CCR6: variants seen among roughly 807,000 people sequenced by gnomAD.
CCR6 encodes the protein C-C chemokine receptor type 6.
Under a neutral mutation model 3.0 loss-of-function variants are expected in CCR6, and 2 were observed. That is an observed-to-expected ratio of 0.66 (90% CI 0.27 to 2.07). The LOEUF is 2.07. Ranked by LOEUF, CCR6 falls within the 30% of genes most tolerant of loss-of-function variation. The pLI is 0.14. For synonymous variants in CCR6, 193 were observed against 184.3 expected (o/e 1.05, Z -0.38); for missense variants, 322 against 462.8 (o/e 0.70, Z 2.79).
At chr6:167,113,337 A>G (rs1781442846) in intron 1 of CCR6, among the ~76,000 whole-genome samples, 1 of 152,164 alleles carries the variant, frequency 6.6e-6, no homozygotes, top group Non-Finnish European at 1.5e-5. Context: ...GAAGCAGCAC[A>G]TTCAGTGGGA....
At chr6:167,114,834 G>T (rs1032966089) in intron 1 of CCR6, 1 of 152,252 alleles carries the variant, frequency 6.6e-6, no homozygotes, top group African/African-American at 2.4e-5. Flanking sequence ...TCTGCATCCA[G>T]TGAGGACCTG....
intron 1 of CCR6, among the ~76,000 whole-genome samples, chr6:167,124,634 A>C (rs1357570717): frequency 6.6e-6 from 1 of 152,198 alleles, no homozygotes; most frequent in African/African-American, 2.4e-5. Context: ...CAGTAATGGG[A>C]GTCTCACCAG....
intron 1 of CCR6, among the ~76,000 whole-genome samples, chr6:167,132,657 C>T (rs1472843840): frequency 6.6e-6 from 1 of 152,196 alleles, no homozygotes; most frequent in East Asian, 1.9e-4. Flanking sequence ...TCTCCTGCCT[C>T]AGCCCCCCAA....
At chr6:167,112,422 C>G (rs73023509) in intron 1 of CCR6, among the ~76,000 whole-genome samples, 2 of 152,108 alleles carry the variant, frequency 1.3e-5, no homozygotes, top group South Asian at 4.1e-4. Flanking sequence ...ATCTGCAAGT[C>G]GCTTTTGACT....
At chr6:167,128,328 T>C (rs1386853961) in intron 1 of CCR6, among the ~76,000 whole-genome samples, 1 of 152,276 alleles carries the variant, frequency 6.6e-6, no homozygotes, top group Non-Finnish European at 1.5e-5. Flanking sequence ...CGACAAGTGC[T>C]GTCCCCTGTG....
At chr6:167,118,259 C>T (rs1050634374), upstream of CCR6, among the ~76,000 whole-genome samples, 8 of 152,210 alleles carry the variant, frequency 5.3e-5, no homozygotes, top group African/African-American at 1.7e-4. Context: ...GAGGCATGAA[C>T]TTTGTCTTCG....
In CCR6 at chr6:167,136,934, C is replaced by A; in HGVS notation, c.704C>A (p.Thr235Lys). Residue 235 changes from threonine to lysine, a missense_variant, in exon 3 of 3, where the codon ACG (threonine) becomes AAG (lysine). By Grantham distance (78) the Thr-to-Lys change is moderately conservative. Transcript: ENST00000341935. The surrounding 1 kb of genome is among the most constrained non-coding windows in gnomAD (Gnocchi z 4.6). ...TTGATGTTCATGATATTTTGTTACACGTTCATTGTCAAAACCTTGGTGCAA... is the reference window on the plus strand; with the variant it reads ...TTGATGTTCATGATATTTTGTTACAAGTTCATTGTCAAAACCTTGGTGCAA... ...IPLMFMIFCY[T>K]FIVKTLVQAQ... is the part of the protein sequence containing the mutation. 1 of 1,614,164 alleles carries A rather than the reference C, an allele frequency of 6.2e-7. No individual in the cohort carries two copies. Among genetic ancestry groups the A allele is most frequent in the African/African-American group, 1.3e-5 (1 of 75,032 alleles).
intron 1 of CCR6, chr6:167,117,179 T>A (rs1249486488): frequency 6.6e-6 from 1 of 152,092 alleles, no homozygotes; most frequent in Non-Finnish European, 1.5e-5. Flanking sequence ...CACCTCAGCC[T>A]CTTTATCCCT....
rs150590472 is a variant in CCR6, at chr6:167,129,811, A to G, written c.-97-6227A>G. On this transcript the variant is annotated intron_variant, in intron 1 of 2. Transcript: ENST00000341935. ...GGTACCCCGGGTCCTGTGAGAGGCT[A>G]ACATTCAGGTGGGGGGTGACAATGA... 1.5e-3 allele frequency among the ~76,000 whole-genome samples: 229 copies of G among 151,778 alleles called. 6 individuals are homozygous for G. The highest frequency in any genetic ancestry group is 5.2e-3 in the African/African-American group (214 of 41,056).
chr6:167,127,956 G>T (rs972607150), intron 1 of CCR6, among the ~76,000 whole-genome samples: 1 of 152,264 alleles, frequency 6.6e-6, no homozygotes, highest in Non-Finnish European at 1.5e-5. Context: ...CACGTTGGCT[G>T]TCAGCAGAGG....
At chr6:167,133,462 A>C (rs1781800017) in intron 1 of CCR6, among the ~76,000 whole-genome samples, 1 of 152,134 alleles carries the variant, frequency 6.6e-6, no homozygotes, top group South Asian at 2.1e-4. Flanking sequence ...TGATTTATGT[A>C]ACTGTCCTTT....
chr6:167,137,451 A>G lies in CCR6; in HGVS notation c.*96A>G. 1 of 1,223,558 alleles carries G rather than the reference A, an allele frequency of 8.2e-7. No homozygotes were observed. The highest frequency in any genetic ancestry group is 2.4e-5 in the East Asian group (1 of 42,050). The allele number at this position is 1,223,558 out of a possible 1,614,324, so 75.8% of individuals were successfully genotyped here. ...CCAGGTATGCATGGAAAATGTGGGAATTAAGCAAAATCAAGCAAGCCTCTC... is the reference window on the plus strand; with the variant it reads ...CCAGGTATGCATGGAAAATGTGGGAGTTAAGCAAAATCAAGCAAGCCTCTC... On this transcript the variant is annotated 3_prime_UTR_variant, in exon 3 of 3. Coordinates refer to ENST00000341935, the MANE Select transcript of CCR6 (RefSeq NM_031409.4). The surrounding 1 kb of genome is among the most constrained non-coding windows in gnomAD (Gnocchi z 4.6).
intron 1 of CCR6, chr6:167,129,717 A>G (rs1231318129): frequency 6.6e-6 from 1 of 151,646 alleles, no homozygotes; most frequent in Admixed American, 6.6e-5. Context: ...CTGGTGAAGG[A>G]GATACTCAGG....
intron 1 of CCR6, among the ~76,000 whole-genome samples, chr6:167,132,881 G>A (rs1167170128): frequency 6.6e-6 from 1 of 152,086 alleles, no homozygotes; most frequent in East Asian, 1.9e-4. Flanking sequence ...ATGATTAATG[G>A]CATTGAGCGT....
intron 1 of CCR6, among the ~76,000 whole-genome samples, chr6:167,134,334 C>T (rs939366667): frequency 7.2e-5 from 11 of 152,082 alleles, no homozygotes; most frequent in African/African-American, 1.9e-4. Flanking sequence ...GTCTATACCA[C>T]GCTTCTTCTG....
At chr6:167,125,320 TA>T in intron 1 of CCR6, among the ~76,000 whole-genome samples, 1 of 152,314 alleles carries the variant, frequency 6.6e-6, no homozygotes, top group Middle Eastern at 3.4e-3. Flanking sequence ...GTTTTCCCCA[TA>T]TTGAATTTTC....
upstream of CCR6, among the ~76,000 whole-genome samples, chr6:167,120,201 T>G (rs1180954453): frequency 2.0e-5 from 3 of 151,960 alleles, no homozygotes; most frequent in African/African-American, 7.3e-5. Context: ...AGAGAGTGGG[T>G]GGGAGCCATG....
chr6:167,129,857 C>T (rs759992655), intron 1 of CCR6, among the ~76,000 whole-genome samples: 11 of 151,550 alleles, frequency 7.3e-5, no homozygotes, highest in Non-Finnish European at 1.0e-4. Context: ...CAGCAACAAT[C>T]GACACTTTAC....
chr6:167,116,973 G>A (rs1252323499), intron 1 of CCR6: 1 of 152,252 alleles, frequency 6.6e-6, no homozygotes, highest in African/African-American at 2.4e-5. Context: ...CCGTGGGTGA[G>A]GGTTCCCTCC....
Sources: allele counts gnomAD v4.1 joint callset (sites outside exome capture counted in the v4.1 genomes callset), GRCh38; gene constraint gnomAD v4.1.1; non-coding constraint Gnocchi (gnomAD v3.1); transcripts MANE v1.5; gene names NCBI Gene and HGNC (gene_info 2026-07-23, HGNC 2026-07-21).